Variants in PCDH9 observed in about 807,000 individuals in gnomAD.
PCDH9 encodes the protein protocadherin 9.
PCDH9 carries 24 observed loss-of-function variants against 70.6 expected under a neutral mutation model. The ratio of observed to expected loss-of-function variants is 0.34; its 90% CI spans 0.25 to 0.48. PCDH9 has a LOEUF of 0.48. Among genes scored for constraint, PCDH9 ranks in the 20% least tolerant of loss-of-function variants. The pLI is 0.99. For missense variants in PCDH9, 1,281 were observed against 1,503.6 expected, an observed-to-expected ratio of 0.85 and a Z score of 2.45; for synonymous variants, 562 against 558.5, an observed-to-expected ratio of 1.01 and a Z score of -0.09.
chr13:67,110,835 G>A (rs2086645493), intron 2 of PCDH9, among the ~76,000 whole-genome samples: 1 of 152,278 alleles, frequency 6.6e-6, no homozygotes, highest in South Asian at 2.1e-4. Context: ...CACCTATAAA[G>A]CTTTCTCACC....
At chr13:66,476,334 T>C (rs2138496688) in intron 4 of PCDH9, among the ~76,000 whole-genome samples, 1 of 152,138 alleles carries the variant, frequency 6.6e-6, no homozygotes, top group East Asian at 1.9e-4. Context: ...AAATATTATA[T>C]GATGTTAGTA....
At chr13:66,608,187 T>C (rs1217500994) in intron 4 of PCDH9, among the ~76,000 whole-genome samples, 1 of 152,002 alleles carries the variant, frequency 6.6e-6, no homozygotes, top group African/African-American at 2.4e-5. Flanking sequence ...TATATAGGTA[T>C]ATACAGTTCA....
chr13:66,773,380 G>C (rs2079839198), intron 3 of PCDH9, among the ~76,000 whole-genome samples: 1 of 152,084 alleles, frequency 6.6e-6, no homozygotes, highest in Non-Finnish European at 1.5e-5. Context: ...TGTAATCCCA[G>C]TACTTTGGGA....
chr13:66,418,923 C>T (rs533949672), intron 4 of PCDH9, among the ~76,000 whole-genome samples: 2 of 152,238 alleles, frequency 1.3e-5, no homozygotes, highest in South Asian at 4.1e-4. Flanking sequence ...ACTGATCTTA[C>T]AGAAATACAA....
chr13:66,380,810 T>G (rs1439174557), intron 4 of PCDH9, among the ~76,000 whole-genome samples: 1 of 152,210 alleles, frequency 6.6e-6, no homozygotes, highest in African/African-American at 2.4e-5. Flanking sequence ...CCCAGAGTGC[T>G]GGGATTACAG....
intron 4 of PCDH9, among the ~76,000 whole-genome samples, chr13:66,336,155 G>A (rs764474930): frequency 1.3e-5 from 2 of 152,000 alleles, no homozygotes; most frequent in African/African-American, 4.8e-5. Context: ...AGGAGTGATA[G>A]GACTACTGGA....
intron 3 of PCDH9, among the ~76,000 whole-genome samples, chr13:66,799,851 A>G (rs2080298911): frequency 6.6e-6 from 1 of 152,142 alleles, no homozygotes. Flanking sequence ...AACTCCAGCC[A>G]TCAGAGAGTT....
intron 2 of PCDH9, among the ~76,000 whole-genome samples, chr13:67,166,054 T>A (rs1002978502): frequency 6.6e-6 from 1 of 152,212 alleles, no homozygotes; most frequent in Admixed American, 6.5e-5. Context: ...AGTCGTGGTG[T>A]GGAGTCAATT....
Position 66,504,590 on chromosome 13 carries a change from A to C in PCDH9, c.3340+126620T>G, listed in dbSNP as rs548780950. 2.0e-5 allele frequency among the ~76,000 whole-genome samples: 3 copies of C among 152,294 alleles called. No individual in the cohort carries two copies. In the South Asian group the frequency reaches 6.2e-4, roughly 32 times the overall value. On this transcript the variant is annotated intron_variant, in intron 4 of 4. Coordinates refer to ENST00000377865, the MANE Select transcript of PCDH9 (RefSeq NM_203487.3). Reference sequence around the variant, plus strand: ...GGTTCTGAGTGGTTTGTTACATATCAGTAGGTAATTCATACATCGATAGAC... The same window carrying C: ...GGTTCTGAGTGGTTTGTTACATATCCGTAGGTAATTCATACATCGATAGAC...
At chr13:66,760,383 G>A (rs1027568142) in intron 3 of PCDH9, among the ~76,000 whole-genome samples, 8 of 152,070 alleles carry the variant, frequency 5.3e-5, no homozygotes, top group Admixed American at 2.0e-4. Flanking sequence ...GGAAGTCAGG[G>A]ACCCCAAACA....
intron 4 of PCDH9, among the ~76,000 whole-genome samples, chr13:66,382,650 A>G (rs1482142619): frequency 6.6e-6 from 1 of 152,222 alleles, no homozygotes; most frequent in African/African-American, 2.4e-5. Flanking sequence ...CATTTATCAG[A>G]CAGGTACAGT....
In PCDH9 at chr13:67,227,279, C is replaced by G; in HGVS notation, c.1162G>C (p.Val388Leu). 6.2e-7 allele frequency: 1 copy of G among 1,613,134 alleles called. No homozygotes were observed. Among genetic ancestry groups the G allele is most frequent in the Non-Finnish European group, 8.5e-7 (1 of 1,179,186 alleles). Reference sequence around the variant, plus strand: ...TTCACATCTGTGTCCTTATCTGAAACTGTAATTAGGGCAATCTTTGTATTG... The same window carrying G: ...TTCACATCTGTGTCCTTATCTGAAAGTGTAATTAGGGCAATCTTTGTATTG... ...PVNTKIALIT[V>L]SDKDTDVNGK... Residue 388 changes from valine to leucine, a missense_variant, in exon 2 of 5, where the codon GTT becomes CTT. By Grantham distance (32) the Val-to-Leu change is conservative. Coordinates refer to ENST00000377865, the MANE Select transcript of PCDH9 (RefSeq NM_203487.3). This position sits in a 1 kb window ranked among gnomAD's most constrained non-coding sequence, Gnocchi z 4.6.
chr13:66,849,486 GTATA>G (rs144181181), intron 3 of PCDH9, among the ~76,000 whole-genome samples: 4,267 of 89,848 alleles, frequency 0.047, 126 homozygotes, highest in East Asian at 0.1. Flanking sequence ...TCATAGGTAG[GTATA>G]TATATATATA....
intron 2 of PCDH9, chr13:67,223,406 G>A (rs1321984583): frequency 6.6e-6 from 1 of 152,070 alleles, no homozygotes; most frequent in Non-Finnish European, 1.5e-5. Context: ...AAGTATATCA[G>A]TACATTTCTT....
chr13:67,090,721 G>C (rs969478988), intron 2 of PCDH9, among the ~76,000 whole-genome samples: 1 of 151,810 alleles, frequency 6.6e-6, no homozygotes, highest in Non-Finnish European at 1.5e-5. Context: ...ACGAAAAAAA[G>C]AAGATATGAG....
chr13:67,020,552 G>GA (rs1041108882), intron 2 of PCDH9, among the ~76,000 whole-genome samples: 18 of 150,418 alleles, frequency 1.2e-4, no homozygotes, highest in South Asian at 6.3e-4. Context: ...GATTGCAAAG[G>GA]AAAAAAAAAT....
intron 3 of PCDH9, among the ~76,000 whole-genome samples, chr13:66,676,599 G>A (rs577520242): frequency 2.6e-5 from 4 of 152,154 alleles, no homozygotes; most frequent in South Asian, 4.1e-4. Flanking sequence ...TTTCACCTAC[G>A]CCTGTTACCC....
At chr13:67,050,728 G>A (rs1436863610) in intron 2 of PCDH9, among the ~76,000 whole-genome samples, 1 of 152,156 alleles carries the variant, frequency 6.6e-6, no homozygotes, top group African/African-American at 2.4e-5. Context: ...CTGGCAAGTT[G>A]TCTTCTTTAA....
chr13:66,803,829 T>G (rs913360545), intron 3 of PCDH9, among the ~76,000 whole-genome samples: 3 of 152,190 alleles, frequency 2.0e-5, no homozygotes, highest in Non-Finnish European at 4.4e-5. Context: ...TCTAAAAATG[T>G]GTAGCATAAC....
Sources: allele counts gnomAD v4.1 joint callset (sites outside exome capture counted in the v4.1 genomes callset), GRCh38; gene constraint gnomAD v4.1.1; non-coding constraint Gnocchi (gnomAD v3.1); transcripts MANE v1.5; gene names NCBI Gene and HGNC (gene_info 2026-07-23, HGNC 2026-07-21).